The following ACTA2 variants were observed in gnomAD, a reference collection of about 807,000 sequenced individuals.
ACTA2 encodes the protein actin alpha 2, smooth muscle, also known as actin, aortic smooth muscle.
Under a neutral mutation model 39.5 loss-of-function variants are expected in ACTA2, and 12 were observed. The ratio of observed to expected loss-of-function variants is 0.30; its 90% confidence interval spans 0.19 to 0.49. The LOEUF (loss-of-function observed/expected upper bound fraction) is 0.49, where lower values mean the gene tolerates loss of function less well. Ranked by LOEUF, ACTA2 falls within the 20% of genes least tolerant of loss-of-function variation. ACTA2 has a pLI of 0.99. For missense variants in ACTA2, 236 were observed against 498.8 expected, an observed-to-expected ratio of 0.47 and a Z score of 5.02; for synonymous variants, 158 against 180.6, an observed-to-expected ratio of 0.88 and a Z score of 1.00.
intron 3 of ACTA2, among the ~76,000 whole-genome samples, chr10:88,946,098 T>A (rs1275506371): frequency 6.6e-6 from 1 of 151,860 alleles, no homozygotes; most frequent in Non-Finnish European, 1.5e-5. Context: ...GCAAGGACAT[T>A]TTTTTCCTTT....
chr10:88,948,372 ATAT>A (rs139155844), intron 2 of ACTA2: 17,136 of 181,244 alleles, frequency 0.095, 1,069 homozygotes, highest in Non-Finnish European at 0.14. Flanking sequence ...TTGACAGGTA[ATAT>A]TATGTAAAAT....
intron 1 of ACTA2, among the ~76,000 whole-genome samples, chr10:88,960,160 C>G (rs760981064): frequency 6.6e-6 from 1 of 152,162 alleles, no homozygotes; most frequent in Non-Finnish European, 1.5e-5. Flanking sequence ...GGGAGTTACA[C>G]TTCACCCCCT....
In ACTA2 at chr10:88,938,205, G is replaced by A. The variant is rs375251378; in HGVS notation, c.846C>T (p.Asn282=). ...TGTCAATATCACACTTCATGATGCT[G>A]TTGTAGGTGGTTTCATGGATGCCAG... ...ESAGIHETTY[N]SIMKCDIDIR... is the part of the protein sequence containing the mutation. Residue 282 remains asparagine, a synonymous_variant, in exon 8 of 9, where the codon AAC becomes AAT. Transcript: ENST00000224784. 66 of 1,614,020 alleles carry A rather than the reference G, an allele frequency of 4.1e-5. No individual in the cohort carries two copies. The highest frequency in any genetic ancestry group is 3.3e-4 in the Admixed American group (20 of 60,020).
chr10:88,949,940 A>G (rs1027132634), intron 1 of ACTA2, among the ~76,000 whole-genome samples: 2 of 152,148 alleles, frequency 1.3e-5, no homozygotes, highest in Non-Finnish European at 2.9e-5. Context: ...TAATAAAACA[A>G]AATTTTAAAT....
At chr10:88,986,212 A>G (rs773610301) in intron 1 of ACTA2, among the ~76,000 whole-genome samples, 9 of 152,148 alleles carry the variant, frequency 5.9e-5, no homozygotes, top group Non-Finnish European at 1.2e-4. Context: ...CCAAATCAAC[A>G]TCTCTTGAAA....
At chr10:88,941,910 A>C in intron 4 of ACTA2, 41 bp from the exon 5 acceptor site, 1 of 1,564,146 alleles carries the variant, frequency 6.4e-7, no homozygotes, top group Non-Finnish European at 8.7e-7. Flanking sequence ...GAAGGTGCCC[A>C]TCTGACAAAG....
At chr10:88,940,945 A>C (rs1249465626) in intron 6 of ACTA2, 3 of 392,610 alleles carry the variant, frequency 7.6e-6, no homozygotes, top group Non-Finnish European at 1.5e-5. Flanking sequence ...GTCTCTGCAC[A>C]ATCTTCTTCT....
chr10:88,961,822 G>A (rs1228434627), intron 1 of ACTA2, among the ~76,000 whole-genome samples: 1 of 152,082 alleles, frequency 6.6e-6, no homozygotes, highest in African/African-American at 2.4e-5. Flanking sequence ...CAATGAAAAG[G>A]TACTAGGCTT....
chr10:88,949,075 G>A (rs1490485956), intron 1 of ACTA2, 122 bp from the exon 2 acceptor site: 2 of 847,664 alleles, frequency 2.4e-6, no homozygotes, highest in African/African-American at 1.7e-5. Context: ...GCTATCCTCT[G>A]ACCCTTATCT....
rs575184782 is a variant in ACTA2, at chr10:88,937,624, G to T, written c.990+437C>A. 6.0e-4 allele frequency among the ~76,000 whole-genome samples: 91 copies of T among 152,330 alleles called. 1 individual carries two copies. Among genetic ancestry groups the T allele is most frequent in the African/African-American group, 2.1e-3 (86 of 41,570 alleles). On this transcript the variant is annotated intron_variant, in intron 8 of 8. Transcript: ENST00000224784. ...TTGAATTCTTGGCCACAGGATTGAG[G>T]TTAGTAGTGGAGGAAGAGTATAAGC... is the stretch of plus-strand genomic sequence containing the variant.
In ACTA2 at chr10:88,938,624, G is replaced by A. The variant is rs573679316; in HGVS notation, c.809-382C>T. On this transcript the variant is annotated intron_variant, in intron 7 of 8. Transcript: ENST00000224784. ...TCCCAGGTCTCCATTTAACAGCTACGTTGCATCTGCCCCAGCCCCCAAAGC... is the reference window on the plus strand; with the variant it reads ...TCCCAGGTCTCCATTTAACAGCTACATTGCATCTGCCCCAGCCCCCAAAGC... 6.3e-5 allele frequency: 14 copies of A among 223,874 alleles called. No individual in the cohort carries two copies. In the South Asian group the frequency reaches 8.9e-4, roughly 14 times the overall value. The allele number at this position is 223,874 out of a possible 1,614,324, so 13.9% of individuals were successfully genotyped here.
chr10:88,972,749 G>A (rs775110022), intron 1 of ACTA2, among the ~76,000 whole-genome samples: 1 of 152,024 alleles, frequency 6.6e-6, no homozygotes, highest in Admixed American at 6.6e-5. Context: ...TATATTATAA[G>A]CCTCATACAA....
upstream of ACTA2, among the ~76,000 whole-genome samples, chr10:88,953,294 ACT>A (rs1846082116): frequency 6.6e-6 from 1 of 152,218 alleles, no homozygotes; most frequent in Non-Finnish European, 1.5e-5. Context: ...TGGTAGGCAC[ACT>A]GTTTATAAAT....
At chr10:88,943,681 G>A in intron 4 of ACTA2, 116 bp downstream of exon 4, 1 of 834,452 alleles carries the variant, frequency 1.2e-6, no homozygotes, top group Non-Finnish European at 2.0e-6. Context: ...ACTGAAGGCT[G>A]TTAGTCTGTT....
At chr10:88,985,579 T>C (rs1038071999) in intron 1 of ACTA2, among the ~76,000 whole-genome samples, 2 of 152,122 alleles carry the variant, frequency 1.3e-5, no homozygotes, top group African/African-American at 4.8e-5. Context: ...TGCCCATCCA[T>C]TATCTCCCTC....
chr10:88,983,354 G>A (rs1846759206), intron 1 of ACTA2, among the ~76,000 whole-genome samples: 2 of 151,962 alleles, frequency 1.3e-5, no homozygotes, highest in Admixed American at 6.6e-5. Context: ...TTAATCAACC[G>A]GAAACCATGT....
At chr10:88,977,584 C>G (rs1461232356) in intron 1 of ACTA2, among the ~76,000 whole-genome samples, 1 of 151,814 alleles carries the variant, frequency 6.6e-6, no homozygotes, top group Non-Finnish European at 1.5e-5. Flanking sequence ...AAAAAGTGGG[C>G]AAAGGACATG....
chr10:88,943,430 AAC>A (rs1845891156), intron 4 of ACTA2, among the ~76,000 whole-genome samples: 1 of 152,198 alleles, frequency 6.6e-6, no homozygotes, highest in Non-Finnish European at 1.5e-5. Flanking sequence ...AAGGTCACAT[AAC>A]TGATAAGTGG....
In ACTA2 at chr10:88,943,843, G is replaced by T; in HGVS notation, c.323C>A (p.Thr108Lys). Residue 108 changes from threonine (T) to lysine (K), a missense_variant, in exon 4 of 9, where the codon ACG (threonine) becomes AAG (lysine). Thr to Lys is a moderately conservative substitution (Grantham distance 78). Transcript: ENST00000224784. ...GGCCTTGGGGTTCAGGGGTGCCTCC[G>T]TGAGCAGGGTGGGATGCTCTTCAGG... ...VAPEEHPTLL[T>K]EAPLNPKANR... is the part of the protein sequence containing the mutation. The T allele has an allele frequency of 6.2e-7, 1 of 1,614,006 alleles. No individual in the cohort carries two copies. The highest frequency in any genetic ancestry group is 8.5e-7 in the Non-Finnish European group (1 of 1,179,922).
Sources: gnomAD v4.1 joint callset for allele counts (sites outside exome capture counted in the v4.1 genomes callset) on GRCh38, gnomAD v4.1.1 for gene constraint, MANE v1.5 for transcripts, NCBI Gene and HGNC (gene_info 2026-07-23, HGNC 2026-07-21) for gene names.